The following RIF1 variants were observed in gnomAD, a reference collection of about 807,000 sequenced individuals.
RIF1 encodes replication timing regulatory factor 1.
In RIF1, 45 loss-of-function variants were observed where a neutral mutation model predicts 247.1. That is an observed-to-expected ratio of 0.18 (90% confidence interval 0.14 to 0.23). The LOEUF (loss-of-function observed/expected upper bound fraction) is 0.23. Ranked by LOEUF, RIF1 falls within the 10% of genes least tolerant of loss-of-function variation. RIF1 has a pLI of 1.00. For synonymous variants in RIF1, 1,087 were observed against 978.8 expected, an observed-to-expected ratio of 1.11 and a Z score of -2.06; for missense variants, 2,967 against 2,862.5, an observed-to-expected ratio of 1.04 and a Z score of -0.83.
rs147035124 is a variant in RIF1, at chr2:151,465,881, G to A, written c.6361G>A (p.Glu2121Lys). 4 of 1,613,780 alleles carry A rather than the reference G, an allele frequency of 2.5e-6. No homozygotes were observed. Among genetic ancestry groups the A allele is most frequent in the East Asian group, 2.2e-5 (1 of 44,880 alleles). Reference sequence around the variant, plus strand: ...AGATCACCATACTTCACAGAAAGTGGAGGAACCATCACAGTGTCTGGCATC... The same window carrying A: ...AGATCACCATACTTCACAGAAAGTGAAGGAACCATCACAGTGTCTGGCATC... Reference protein sequence around the residue: ...QEDHHTSQKVEEPSQCLASGT... With the variant: ...QEDHHTSQKVKEPSQCLASGT... The change falls in exon 30 of 36, where the codon GAG (glutamate) becomes AAG (lysine). Residue 2121 changes from glutamate (E) to lysine (K), a missense_variant. Physicochemically the swap from Glu to Lys is moderately conservative, Grantham distance 56. Transcript: ENST00000444746.
intron 35 of RIF1, 41 bp from the exon 36 acceptor site, chr2:151,474,816 T>G (rs2048851200): frequency 8.6e-7 from 1 of 1,163,408 alleles, no homozygotes; most frequent in South Asian, 1.4e-5. Context: ...TTAATTTTTG[T>G]CTGGTATAGA....
the RIF1 span, chr2:151,514,274 T>C: frequency 7.4e-7 from 1 of 1,346,140 alleles, no homozygotes; most frequent in Non-Finnish European, 1.1e-6. Flanking sequence ...AACAAAGAAA[T>C]GATGCTGTAT....
intron 10 of RIF1, chr2:151,497,442 GTA>G: frequency 1.0e-6 from 1 of 980,868 alleles, no homozygotes; most frequent in Non-Finnish European, 1.2e-6. Context: ...GAAATTAACT[GTA>G]TTATAGAAAT....
Position 151,457,844 on chromosome 2 carries a change from C to G in RIF1, c.2736C>G (p.Leu912=). 6.2e-7 allele frequency: 1 copy of G among 1,613,592 alleles called. No homozygotes were observed. The highest frequency in any genetic ancestry group is 8.5e-7 in the Non-Finnish European group (1 of 1,179,614). ...GTYDSELLEQ[L]SPLLCIIFLH... is the part of the protein sequence containing the mutation. ...ATGATAGTGAACTTCTTGAACAACT[C>G]TCCCCACTATTATGCATAATATTTC... Residue 912 remains leucine (L), a synonymous_variant, in exon 24 of 36, where the codon CTC becomes CTG. Transcript: ENST00000444746.
chr2:151,495,675 C>CAACA (rs1025452466), intron 10 of RIF1, among the ~76,000 whole-genome samples: 3 of 152,018 alleles, frequency 2.0e-5, no homozygotes, highest in African/African-American at 7.2e-5. Context: ...AGAACAACAA[C>CAACA]AACAACAAAC....
chr2:151,475,833 T>C lies in RIF1; in HGVS notation c.*762T>C, dbSNP rs955969119. ...ATTCTTTGTTAATTGCATGGGTTTT[T>C]CTGCAGCTTATTGTGAATACCTTGG... On this transcript the variant is annotated 3_prime_UTR_variant, in exon 36 of 36. Coordinates refer to ENST00000444746, the MANE Select transcript of RIF1 (RefSeq NM_018151.5). The C allele has an allele frequency of 1.3e-5, 2 of 152,658 alleles. No individual in the cohort carries two copies. The highest frequency in any genetic ancestry group is 4.8e-5 in the African/African-American group (2 of 41,458). 9.5% of individuals were successfully genotyped at this position (152,658 alleles called of 1,614,324 possible). A position where few individuals can be genotyped will look rare whatever the true frequency, so the allele number is the denominator to read the frequency against.
At position 151,480,500 on chromosome 2, in the gene RIF1, G is replaced by C. The variant is rs555533849; in HGVS notation, c.*5429G>C. The stretch of plus-strand genomic sequence containing the variant: ...AAATAGCTGATAGCCTATAGTCTCT[G>C]AGAGCTATTCTGTACATAGCACAGT... On this transcript the variant is annotated 3_prime_UTR_variant, in exon 36 of 36. Coordinates refer to ENST00000444746, the MANE Select transcript of RIF1 (RefSeq NM_018151.5). The C allele has an allele frequency of 5.3e-5, 8 of 152,272 alleles. No individual in the cohort carries two copies. Among genetic ancestry groups the C allele is most frequent in the African/African-American group, 1.2e-4 (5 of 41,576 alleles). 9.4% of individuals were successfully genotyped at this position (152,272 alleles called of 1,614,324 possible).
Position 151,468,713 on chromosome 2 carries a change from G to A in RIF1, c.6898G>A (p.Ala2300Thr). 6.2e-7 allele frequency: 1 copy of A among 1,613,764 alleles called. No individual in the cohort carries two copies. The highest frequency in any genetic ancestry group is 8.5e-7 in the Non-Finnish European group (1 of 1,179,680). ...SVYPPLVNCV[A>T]PVDIILPQIT... ...TTACCCACCATTGGTGAACTGTGTG[G>A]CACCAGTTGACATCATTTTACCTCA... Residue 2300 changes from alanine to threonine, a missense_variant, in exon 33 of 36, where the codon GCA becomes ACA. Around this residue, in one of 7 missense-constraint regions of RIF1, gnomAD observed 2,028 missense variants for 1,825.6 expected, o/e 1.11. Transcript: ENST00000444746.
chr2:151,518,523 A>T, the RIF1 span: 17 of 749,570 alleles, frequency 2.3e-5, no homozygotes, highest in Non-Finnish European at 3.6e-5. Flanking sequence ...CATTGTCAAG[A>T]TCAAACTAAA....
At chr2:151,474,711 A>AT (rs2048843414) in intron 35 of RIF1, 146 bp from the exon 36 acceptor site, 3 of 618,606 alleles carry the variant, frequency 4.8e-6, no homozygotes, top group Non-Finnish European at 8.5e-6. Context: ...GCTCTGGTAG[A>AT]TTTTTTTGTG....
Position 151,463,138 on chromosome 2 carries a change from T to A in RIF1, c.3618T>A (p.Thr1206=). ...VVSSSSVSNT[T]VAGTPPYPTS... ...GCAGTAGTTCAGTTTCTAATACCAC[T>A]GTTGCTGGAACTCCCCCATACCCTA... Residue 1206 remains threonine, a synonymous_variant, in exon 30 of 36, where the codon ACT becomes ACA. Coordinates refer to ENST00000444746, the MANE Select transcript of RIF1 (RefSeq NM_018151.5). 6.2e-7 allele frequency: 1 copy of A among 1,614,158 alleles called. No homozygotes were observed.
At chr2:151,490,230 C>T (rs1307857917) in intron 9 of RIF1, 3 of 1,190,062 alleles carry the variant, frequency 2.5e-6, no homozygotes, top group Non-Finnish European at 3.5e-6. Context: ...CTTCATGCAG[C>T]CCTCCACAAT....
rs532441546 is a variant in RIF1 at position 151,418,959 on chromosome 2, C to G, written c.504-1231C>G. ...CCTCGTTAGATCCTTATTCTAGGAGCCTTAAATTCTTTTTTTTTTTTTTTT... is the reference window on the plus strand; with the variant it reads ...CCTCGTTAGATCCTTATTCTAGGAGGCTTAAATTCTTTTTTTTTTTTTTTT... On this transcript the variant is annotated intron_variant, in intron 6 of 35. Transcript: ENST00000444746. 2.2e-3 allele frequency among the ~76,000 whole-genome samples: 300 copies of G among 135,632 alleles called. 2 individuals are homozygous for G. Among genetic ancestry groups the G allele is most frequent in the African/African-American group, 7.4e-3 (284 of 38,152 alleles). The allele number at this position is 135,632 out of a possible 152,430, so 89.0% of individuals were successfully genotyped here.
At position 151,420,395 on chromosome 2, in the gene RIF1, T is replaced by C; in HGVS notation, c.693+16T>C. ...TATGACTACTGTGAGTGTTCTTTTATGTAAGAATTTTCTGGATACTGCATC... is the reference window on the plus strand; with the variant it reads ...TATGACTACTGTGAGTGTTCTTTTACGTAAGAATTTTCTGGATACTGCATC... On this transcript the variant is annotated intron_variant, in intron 7 of 35. Transcript: ENST00000444746. The C allele has an allele frequency of 6.2e-7, 1 of 1,612,020 alleles. No individual in the cohort carries two copies. The highest frequency in any genetic ancestry group is 1.1e-5 in the South Asian group (1 of 90,950).
chr2:151,525,193 A>G, the RIF1 span: 2 of 1,613,914 alleles, frequency 1.2e-6, no homozygotes, highest in Non-Finnish European at 1.7e-6. Flanking sequence ...CTTCCATAGC[A>G]TGTTTCACCT....
At chr2:151,445,499 T>C (rs1274295402) in intron 19 of RIF1, 54 bp downstream of exon 19, 8 of 922,736 alleles carry the variant, frequency 8.7e-6, no homozygotes, top group Non-Finnish European at 1.4e-5. Context: ...TCTGAAAATA[T>C]TATTTCATCC....
the RIF1 span, chr2:151,516,372 T>C: frequency 1.2e-6 from 1 of 833,842 alleles, no homozygotes; most frequent in East Asian, 2.6e-5. Flanking sequence ...CACTTTTGGA[T>C]GACAGGAAAC....
At chr2:151,494,024 T>C (rs2058497615) in intron 9 of RIF1, 2 of 895,216 alleles carry the variant, frequency 2.2e-6, no homozygotes, top group East Asian at 2.6e-5. Context: ...CTACAGTAAA[T>C]GTAGTGTGAT....
At chr2:151,509,037 G>A (rs1191646788), downstream of RIF1, among the ~76,000 whole-genome samples, 1 of 152,184 alleles carries the variant, frequency 6.6e-6, no homozygotes, top group African/African-American at 2.4e-5. Context: ...TAGGGCTGAG[G>A]GCTGAGGAAT....
Sources: allele counts gnomAD v4.1 joint callset (sites outside exome capture counted in the v4.1 genomes callset), GRCh38; gene constraint gnomAD v4.1.1; regional missense constraint gnomAD v4.1.1; transcripts MANE v1.5; gene names NCBI Gene and HGNC (gene_info 2026-07-23, HGNC 2026-07-21).